The following ELAPOR1 variants were observed in gnomAD, a reference collection of about 807,000 sequenced individuals.
ELAPOR1 encodes endosome-lysosome associated apoptosis and autophagy regulator 1.
ELAPOR1 carries 77 observed loss-of-function variants against 119.7 expected under a neutral mutation model. The observed-to-expected ratio is 0.64, with a 90% CI of 0.54 to 0.78. ELAPOR1 has a LOEUF of 0.78. Among genes scored for constraint, ELAPOR1 ranks in the 30% least tolerant of loss-of-function variants. The probability of loss-of-function intolerance (pLI) is 0.00; values close to 1 mark genes in which losing one functional copy is unlikely to be tolerated. For missense variants in ELAPOR1, 1,115 were observed against 1,270.4 expected (o/e 0.88, Z 1.86); for synonymous variants, 481 against 487.2 (o/e 0.99, Z 0.17).
rs1385451735 is a variant in ELAPOR1, at chr1:109,195,127, TCAATAAAATA to T, written c.2121+534_2121+543del. On this transcript the variant is annotated intron_variant, in intron 15 of 21. Transcript: ENST00000369939. ...TTCATCTCAGAAAAATAATAAAAAA[TCAATAAAATA>T]AAATAAAATAAGGTGTTCTTTTACC... Among the ~76,000 whole-genome samples the T allele has an allele frequency of 1.1e-4, 17 of 149,956 alleles. No homozygotes were observed. In the South Asian group the frequency reaches 3.3e-3, roughly 29 times the overall value.
intron 15 of ELAPOR1, among the ~76,000 whole-genome samples, chr1:109,195,450 C>T (rs1406301329): frequency 6.6e-6 from 1 of 151,250 alleles, no homozygotes; most frequent in Non-Finnish European, 1.5e-5. Flanking sequence ...GCGGAGATCA[C>T]GCCACTACAC....
At chr1:109,189,437 C>T (rs1389687641) in intron 10 of ELAPOR1, among the ~76,000 whole-genome samples, 155 bp from the exon 11 acceptor site, 1 of 152,186 alleles carries the variant, frequency 6.6e-6, no homozygotes, top group Non-Finnish European at 1.5e-5. Context: ...GGGTTTTTGA[C>T]CAAAGTGGCA....
At position 109,206,142 on chromosome 1, in the gene ELAPOR1, G is replaced by A. The variant is rs1654480968; in HGVS notation, c.*3130G>A. 6.6e-6 allele frequency: 1 copy of A among 152,086 alleles called. No homozygotes were observed. Among genetic ancestry groups the A allele is most frequent in the Non-Finnish European group, 1.5e-5 (1 of 68,028 alleles). The allele number at this position is 152,086 out of a possible 1,614,324, so 9.4% of individuals were successfully genotyped here. The stretch of plus-strand genomic sequence containing the variant: ...TGATCCTTCTGCTTCAGCCTCCCCA[G>A]TAGCTGGGATTACAAGCATGCGCCA... On this transcript the variant is annotated 3_prime_UTR_variant, in exon 22 of 22. Transcript: ENST00000369939.
At chr1:109,179,531 G>A (rs1321624877) in intron 7 of ELAPOR1, among the ~76,000 whole-genome samples, 3 of 152,098 alleles carry the variant, frequency 2.0e-5, no homozygotes, top group South Asian at 2.1e-4. Flanking sequence ...GAAGCAGGCC[G>A]GAAACAGATT....
intron 9 of ELAPOR1, 135 bp downstream of exon 9, chr1:109,188,489 T>C (rs1337271775): frequency 3.1e-6 from 3 of 975,746 alleles, no homozygotes; most frequent in African/African-American, 1.6e-5. Context: ...CAGGCCACCT[T>C]TGAGGACTAA....
At chr1:109,178,290 C>T (rs953521350) in intron 7 of ELAPOR1, among the ~76,000 whole-genome samples, 3 of 152,118 alleles carry the variant, frequency 2.0e-5, no homozygotes, top group African/African-American at 4.8e-5. Context: ...GGATTACAGG[C>T]GTGAGCCACT....
intron 15 of ELAPOR1, 150 bp downstream of exon 15, chr1:109,194,744 AC>A (rs1653678448): frequency 1.6e-6 from 1 of 629,834 alleles, no homozygotes; most frequent in Non-Finnish European, 2.7e-6. Flanking sequence ...CTCCCTGAGG[AC>A]TTTTTCCCCT....
chr1:109,178,962 C>CAAAAAAA (rs35030338), intron 7 of ELAPOR1, among the ~76,000 whole-genome samples: 1 of 134,218 alleles, frequency 7.5e-6, no homozygotes, highest in Non-Finnish European at 1.6e-5. Context: ...AATACTGTCT[C>CAAAAAAA]AAAAAAAAAA....
intron 1 of ELAPOR1, among the ~76,000 whole-genome samples, chr1:109,155,086 A>G (rs1650790105): frequency 6.6e-6 from 1 of 152,208 alleles, no homozygotes; most frequent in Non-Finnish European, 1.5e-5. Context: ...CTAGAAATCA[A>G]CAGGTTTTAA....
chr1:109,124,849 C>T (rs1365073338), intron 1 of ELAPOR1, among the ~76,000 whole-genome samples: 1 of 152,172 alleles, frequency 6.6e-6, no homozygotes, highest in African/African-American at 2.4e-5. Context: ...GACCTCAGAG[C>T]ATTTCTAGGG....
intron 1 of ELAPOR1, among the ~76,000 whole-genome samples, chr1:109,142,878 C>T (rs1313745086): frequency 1.3e-5 from 2 of 151,898 alleles, no homozygotes; most frequent in Admixed American, 1.3e-4. Context: ...TTCATAATAG[C>T]CGAAAAAGTA....
chr1:109,161,744 G>A lies in ELAPOR1; in HGVS notation c.154-150G>A, dbSNP rs77812607. ...CAAATCATTGTAGTTCTTGTACTCG[G>A]TTCATAATCATCAGCTCCCTGCCCG... On this transcript the variant is annotated intron_variant, in intron 1 of 21. Coordinates refer to ENST00000369939, the MANE Select transcript of ELAPOR1 (RefSeq NM_020775.5). 3,006 of 827,346 alleles carry A rather than the reference G, an allele frequency of 3.6e-3. 68 individuals carry two copies. In the African/African-American group the frequency reaches 0.044, roughly 12 times the overall value. 51.3% of individuals were successfully genotyped at this position (827,346 alleles called of 1,614,324 possible).
intron 1 of ELAPOR1, among the ~76,000 whole-genome samples, chr1:109,153,742 C>A (rs959870548): frequency 1.3e-5 from 2 of 151,818 alleles, no homozygotes; most frequent in Non-Finnish European, 1.5e-5. Flanking sequence ...TGGGTTCAAG[C>A]GATTCTCCTG....
intron 1 of ELAPOR1, among the ~76,000 whole-genome samples, chr1:109,143,333 C>T (rs1037317871): frequency 2.6e-5 from 4 of 152,074 alleles, no homozygotes; most frequent in Admixed American, 2.6e-4. Flanking sequence ...AAGCATTATG[C>T]CAAGTAAAAG....
intron 1 of ELAPOR1, among the ~76,000 whole-genome samples, chr1:109,134,704 G>A (rs1006658281): frequency 1.3e-5 from 2 of 152,042 alleles, no homozygotes; most frequent in Admixed American, 6.6e-5. Context: ...TTTCACCTTC[G>A]TCATTACAAC....
chr1:109,176,135 T>C (rs1474117566), intron 7 of ELAPOR1, among the ~76,000 whole-genome samples: 1 of 152,164 alleles, frequency 6.6e-6, no homozygotes, highest in African/African-American at 2.4e-5. Flanking sequence ...CCTGTTTTTA[T>C]TGTTTGAGGA....
Position 109,173,792 on chromosome 1 carries a change from A to G in ELAPOR1, c.907A>G (p.Lys303Glu). Residue 303 changes from lysine (K) to glutamate (E), a missense_variant, in exon 7 of 22, where the codon AAA becomes GAA. By Grantham distance (56) the Lys-to-Glu change is moderately conservative. Transcript: ENST00000369939. ...KLCPANSYSN[K>E]GETSCHQCDP... ...TTGCCCAGCCAACTCTTATTCAAAT[A>G]AAGGAGAAACTTCTTGCCACCAGTG... The G allele has an allele frequency of 6.2e-7, 1 of 1,614,118 alleles. No individual in the cohort carries two copies. Among genetic ancestry groups the G allele is most frequent in the Non-Finnish European group, 8.5e-7 (1 of 1,180,016 alleles).
chr1:109,183,430 T>C (rs941304415), intron 7 of ELAPOR1, among the ~76,000 whole-genome samples: 5 of 151,342 alleles, frequency 3.3e-5, no homozygotes, highest in Admixed American at 3.3e-4. Context: ...AATGAATTCA[T>C]AGAAGTAGTT....
rs1350678884 is a variant in ELAPOR1, at chr1:109,205,598, GTA to G, written c.*2587_*2588del. The G allele has an allele frequency of 6.6e-6, 1 of 152,162 alleles. No homozygotes were observed. The allele number at this position is 152,162 out of a possible 1,614,324, so 9.4% of individuals were successfully genotyped here. A position where few individuals can be genotyped will look rare whatever the true frequency, so the allele number is the denominator to read the frequency against. The stretch of plus-strand genomic sequence containing the variant: ...CCTGAGCTCCAGCCTAAAGTCTTCT[GTA>G]GCCTCAGCAATACTTGGGCACCTGC... On this transcript the variant is annotated 3_prime_UTR_variant, in exon 22 of 22. Transcript: ENST00000369939.
Sources: allele counts gnomAD v4.1 joint callset (sites outside exome capture counted in the v4.1 genomes callset), GRCh38; gene constraint gnomAD v4.1.1; transcripts MANE v1.5; gene names NCBI Gene and HGNC (gene_info 2026-07-23, HGNC 2026-07-21).